GOLT1B: variants seen among roughly 807,000 people sequenced by gnomAD.
GOLT1B encodes the protein golgi transport 1B.
In GOLT1B, 3 loss-of-function variants were observed where a neutral mutation model predicts 15.4. The observed-to-expected ratio is 0.19, with a 90% CI of 0.09 to 0.50. GOLT1B has a LOEUF of 0.50. Ranked by LOEUF, GOLT1B falls within the 20% of genes least tolerant of loss-of-function variation. GOLT1B has a pLI of 0.97. For missense variants in GOLT1B, 145 were observed against 160.4 expected (o/e 0.90, Z 0.52); for synonymous variants, 65 against 56.2 (o/e 1.16, Z -0.70).
At chr12:21,505,575 A>T (rs1237926498) in intron 1 of GOLT1B, among the ~76,000 whole-genome samples, 2 of 152,186 alleles carry the variant, frequency 1.3e-5, no homozygotes, top group African/African-American at 2.4e-5. Context: ...AATGGAAGAC[A>T]CTAGTTATCA....
At position 21,501,824 on chromosome 12, in the gene GOLT1B, G is replaced by C. The variant is rs1943627250; in HGVS notation, c.-100G>C. The C allele has an allele frequency of 1.2e-6, 1 of 814,016 alleles. No homozygotes were observed. The highest frequency in any genetic ancestry group is 1.7e-5 in the African/African-American group (1 of 60,568). 50.4% of individuals were successfully genotyped at this position (814,016 alleles called of 1,614,324 possible). A position where few individuals can be genotyped will look rare whatever the true frequency, so the allele number is the denominator to read the frequency against. On this transcript the variant is annotated 5_prime_UTR_variant, in exon 1 of 5. Transcript: ENST00000229314. ...GCTGCGTGTTTCCGGAAGACGTGGCGGCTCTCGCCTGGGCTGTTTCCCGGC... is the reference window on the plus strand; with the variant it reads ...GCTGCGTGTTTCCGGAAGACGTGGCCGCTCTCGCCTGGGCTGTTTCCCGGC...
At chr12:21,513,033 C>CT (rs1943731010) in intron 4 of GOLT1B, among the ~76,000 whole-genome samples, 1 of 140,506 alleles carries the variant, frequency 7.1e-6, no homozygotes, top group Non-Finnish European at 1.5e-5. Flanking sequence ...TGCCACTGCA[C>CT]TTTAGCCTGG....
At chr12:21,502,069 A>C in intron 1 of GOLT1B, 121 bp downstream of exon 1, 3 of 762,020 alleles carry the variant, frequency 3.9e-6, no homozygotes, top group Non-Finnish European at 7.0e-6. Flanking sequence ...CCTGCGAGAC[A>C]GAGCTAGGGC....
intron 2 of GOLT1B, chr12:21,507,324 T>C (rs1943685811): frequency 4.4e-6 from 1 of 226,700 alleles, no homozygotes; most frequent in African/African-American, 2.4e-5. Context: ...CATCCAAGAC[T>C]TCACATTTGA....
intron 1 of GOLT1B, among the ~76,000 whole-genome samples, chr12:21,502,938 C>A (rs1030657192): frequency 5.9e-5 from 9 of 152,200 alleles, no homozygotes; most frequent in African/African-American, 2.2e-4. Context: ...TTTAAAATGC[C>A]CTATTTTAAA....
At position 21,501,830 on chromosome 12, in the gene GOLT1B, C is replaced by A. The variant is rs927229476; in HGVS notation, c.-94C>A. On this transcript the variant is annotated 5_prime_UTR_variant, in exon 1 of 5. Coordinates refer to ENST00000229314, the MANE Select transcript of GOLT1B (RefSeq NM_016072.5). ...TGTTTCCGGAAGACGTGGCGGCTCT[C>A]GCCTGGGCTGTTTCCCGGCTTCATT... The A allele has an allele frequency of 3.4e-5, 30 of 873,350 alleles. No individual in the cohort carries two copies. Among genetic ancestry groups the A allele is most frequent in the Non-Finnish European group, 5.4e-5 (28 of 522,208 alleles). The allele number at this position is 873,350 out of a possible 1,614,324, so 54.1% of individuals were successfully genotyped here. A position where few individuals can be genotyped will look rare whatever the true frequency, so the allele number is the denominator to read the frequency against.
chr12:21,504,537 G>A (rs1487129750), intron 1 of GOLT1B: 2 of 502,110 alleles, frequency 4.0e-6, no homozygotes, highest in Non-Finnish European at 8.0e-6. Flanking sequence ...TAGGACCATT[G>A]TCTGTGGAGT....
At chr12:21,508,889 G>GTAGGTAGA (rs71962761) in intron 3 of GOLT1B, among the ~76,000 whole-genome samples, 44 of 65,380 alleles carry the variant, frequency 6.7e-4, no homozygotes, top group African/African-American at 1.3e-3. Flanking sequence ...AGGTAGGTAG[G>GTAGGTAGA]TAGATAGATA....
chr12:21,514,100 T>C (rs1943739461), intron 4 of GOLT1B, among the ~76,000 whole-genome samples: 3 of 152,208 alleles, frequency 2.0e-5, no homozygotes, highest in South Asian at 2.1e-4. Flanking sequence ...ATCTAGGTGA[T>C]CTAGAATTCA....
chr12:21,508,001 A>G (rs750507625), intron 2 of GOLT1B: 4 of 449,626 alleles, frequency 8.9e-6, no homozygotes, highest in East Asian at 7.1e-5. Context: ...CTTGGGTGAC[A>G]TATTTATGGG....
chr12:21,502,720 T>C (rs1046365821), intron 1 of GOLT1B, among the ~76,000 whole-genome samples: 1 of 152,202 alleles, frequency 6.6e-6, no homozygotes, highest in Admixed American at 6.5e-5. Flanking sequence ...CATTATAATA[T>C]TTCCACTTTC....
At position 21,506,537 on chromosome 12, in the gene GOLT1B, A is replaced by G. The variant is rs144095340; in HGVS notation, c.26-348A>G. On this transcript the variant is annotated intron_variant, in intron 1 of 4. Transcript: ENST00000229314. ...GATAAGTAATTAAGGAAACCTATAC[A>G]TTTATGTCTGATGCGAGAGAGCTTT... Among the ~76,000 whole-genome samples, 89 of 152,152 alleles carry G rather than the reference A, an allele frequency of 5.8e-4. 2 individuals are homozygous for G. In the East Asian group the frequency reaches 0.017, roughly 28 times the overall value.
At chr12:21,502,273 GCTTGCCA>G (rs891991583) in intron 1 of GOLT1B, among the ~76,000 whole-genome samples, 4 of 152,162 alleles carry the variant, frequency 2.6e-5, no homozygotes, top group Non-Finnish European at 5.9e-5. Context: ...TGTTCTAGGG[GCTTGCCA>G]CAAGAGAAAG....
chr12:21,513,735 G>A (rs1943736622), intron 4 of GOLT1B, among the ~76,000 whole-genome samples: 1 of 152,148 alleles, frequency 6.6e-6, no homozygotes. Context: ...GATCAAGGCT[G>A]TGTTAAGCGA....
chr12:21,504,332 TA>T (rs1943663038), intron 1 of GOLT1B, among the ~76,000 whole-genome samples: 2 of 152,064 alleles, frequency 1.3e-5, no homozygotes, highest in South Asian at 4.2e-4. Flanking sequence ...TGCATACGGA[TA>T]GGGAAAAGGG....
chr12:21,509,826 A>G (rs1943707265), intron 3 of GOLT1B, among the ~76,000 whole-genome samples: 1 of 152,266 alleles, frequency 6.6e-6, no homozygotes, highest in African/African-American at 2.4e-5. Context: ...GAAAAGAATG[A>G]ATACTCTTAT....
At position 21,517,577 on chromosome 12, in the gene GOLT1B, T is replaced by G. The variant is rs1285226896; in HGVS notation, c.*1870T>G. On this transcript the variant is annotated 3_prime_UTR_variant, in exon 5 of 5. Transcript: ENST00000229314. ...CTGCTAATGTAAGGGACATCTGTAT[T>G]TAACTCCTTTGTAGACATGAATTTC... 2 of 152,086 alleles carry G rather than the reference T, an allele frequency of 1.3e-5. No homozygotes were observed. The highest frequency in any genetic ancestry group is 4.8e-5 in the African/African-American group (2 of 41,448). The allele number at this position is 152,086 out of a possible 1,614,324, so 9.4% of individuals were successfully genotyped here. A position where few individuals can be genotyped will look rare whatever the true frequency, so the allele number is the denominator to read the frequency against.
chr12:21,506,035 GCTTACAC>G (rs769608170), intron 1 of GOLT1B, among the ~76,000 whole-genome samples: 4 of 97,604 alleles, frequency 4.1e-5, no homozygotes, highest in Non-Finnish European at 9.4e-5. Context: ...AGACTTTAAA[GCTTACAC>G]CTCGTCTACC....
In GOLT1B at chr12:21,512,320, T is replaced by G; in HGVS notation, c.322T>G (p.Phe108Val). 2 of 1,574,382 alleles carry G rather than the reference T, an allele frequency of 1.3e-6. No homozygotes were observed. Among genetic ancestry groups the G allele is most frequent in the Non-Finnish European group, 1.7e-6 (2 of 1,144,322 alleles). Reference protein sequence around the residue: ...FRGFFPVVVGFIRRVPVLGSL... With the variant: ...FRGFFPVVVGVIRRVPVLGSL... ...GGGCTTCTTTCCTGTCGTTGTTGGC[T>G]TTATTAGAAGAGTGCCAGTCCTTGG... The change falls in exon 4 of 5, where the codon TTT becomes GTT. Residue 108 changes from phenylalanine to valine, a missense_variant. Physicochemically the swap from Phe to Val is conservative, Grantham distance 50. Coordinates refer to ENST00000229314, the MANE Select transcript of GOLT1B (RefSeq NM_016072.5).
Sources: gnomAD v4.1 joint callset for allele counts (sites outside exome capture counted in the v4.1 genomes callset) on GRCh38, gnomAD v4.1.1 for gene constraint, MANE v1.5 for transcripts, NCBI Gene and HGNC (gene_info 2026-07-23, HGNC 2026-07-21) for gene names.